LRP6: variants seen among roughly 807,000 people sequenced by gnomAD.
The protein encoded by LRP6 is LDL receptor related protein 6.
A neutral mutation model predicts 184.1 loss-of-function variants in LRP6; 43 were observed. The observed-to-expected ratio is 0.23, with a 90% CI of 0.18 to 0.30. The LOEUF (loss-of-function observed/expected upper bound fraction) is 0.30. Ranked by LOEUF, LRP6 falls within the 10% of genes least tolerant of loss-of-function variation. LRP6 has a pLI of 1.00. For missense variants in LRP6, 1,571 were observed against 2,005.3 expected (o/e 0.78, Z 4.14); for synonymous variants, 719 against 684.9 (o/e 1.05, Z -0.78).
intron 7 of LRP6, among the ~76,000 whole-genome samples, chr12:12,176,740 A>G (rs1165620268): frequency 6.6e-5 from 10 of 152,188 alleles, no homozygotes; most frequent in African/African-American, 2.4e-4. Flanking sequence ...CTCAAGACAC[A>G]TAGGTTTACT....
chr12:12,176,843 CTTTT>C (rs71435897), intron 7 of LRP6, among the ~76,000 whole-genome samples: 4 of 103,100 alleles, frequency 3.9e-5, no homozygotes, highest in Non-Finnish European at 5.8e-5. Context: ...TGAGCCCAAA[CTTTT>C]TTTTTTTTTT....
At chr12:12,204,801 CAA>C (rs1302465397) in intron 2 of LRP6, among the ~76,000 whole-genome samples, 6 of 107,872 alleles carry the variant, frequency 5.6e-5, no homozygotes, top group African/African-American at 6.9e-5. Flanking sequence ...ACTAAAAATA[CAA>C]AAAAAAAAAA....
intron 4 of LRP6, among the ~76,000 whole-genome samples, chr12:12,184,817 C>G (rs1185111904): frequency 6.6e-6 from 1 of 151,964 alleles, no homozygotes; most frequent in Admixed American, 6.6e-5. Flanking sequence ...AAATGAAAAT[C>G]AGAGAAAACT....
chr12:12,187,933 C>T (rs1206122412), intron 3 of LRP6, among the ~76,000 whole-genome samples: 4 of 151,974 alleles, frequency 2.6e-5, no homozygotes, highest in Non-Finnish European at 5.9e-5. Flanking sequence ...TGCTGAGGGC[C>T]GGGCGCAGTG....
At position 12,131,711 on chromosome 12, in the gene LRP6, C is replaced by T. The variant is rs529596669; in HGVS notation, c.3970+110G>A. On this transcript the variant is annotated intron_variant, in intron 18 of 22. Coordinates refer to ENST00000261349, the MANE Select transcript of LRP6 (RefSeq NM_002336.3). ...GCACTATGATCAGAAGTGATACAGT[C>T]ATATGTACTTGAAAAACCCCAACTG... 6.0e-6 allele frequency: 5 copies of T among 836,580 alleles called. No homozygotes were observed. In the East Asian group the frequency reaches 1.2e-4, roughly 20 times the overall value. 51.8% of individuals were successfully genotyped at this position (836,580 alleles called of 1,614,324 possible). A position where few individuals can be genotyped will look rare whatever the true frequency, so the allele number is the denominator to read the frequency against.
rs1949563122 is a variant in LRP6, at chr12:12,119,406, ACATTAGTTTAAAAC to A, written c.*1706_*1719del. 1 of 152,250 alleles carries A rather than the reference ACATTAGTTTAAAAC, an allele frequency of 6.6e-6. No homozygotes were observed. Among genetic ancestry groups the A allele is most frequent in the Admixed American group, 6.5e-5 (1 of 15,282 alleles). 9.4% of individuals were successfully genotyped at this position (152,250 alleles called of 1,614,324 possible). ...GACCAACACCTCTTAAGCTAAAAAT[ACATTAGTTTAAAAC>A]CATTCAATTTTAGCAGAGAAGTGCT... is the stretch of plus-strand genomic sequence containing the variant. On this transcript the variant is annotated 3_prime_UTR_variant, in exon 23 of 23. Transcript: ENST00000261349.
chr12:12,132,144 T>G (rs1949769556), intron 17 of LRP6, 87 bp from the exon 18 acceptor site: 2 of 827,020 alleles, frequency 2.4e-6, no homozygotes, highest in East Asian at 4.9e-5. Flanking sequence ...GAAGCTCATT[T>G]AATAATTAAC....
intron 4 of LRP6, among the ~76,000 whole-genome samples, chr12:12,185,784 T>A (rs1033267653): frequency 6.6e-6 from 1 of 152,036 alleles, no homozygotes; most frequent in African/African-American, 2.4e-5. Context: ...TTCAAATATA[T>A]TCTAGATTAA....
At chr12:12,188,139 A>C (rs1412616725) in intron 3 of LRP6, among the ~76,000 whole-genome samples, 2 of 149,184 alleles carry the variant, frequency 1.3e-5, no homozygotes, top group African/African-American at 5.0e-5. Context: ...TGAATCCAGG[A>C]GGCGGAGGTT....
At chr12:12,188,337 A>G (rs539563520) in intron 3 of LRP6, among the ~76,000 whole-genome samples, 3 of 152,306 alleles carry the variant, frequency 2.0e-5, no homozygotes, top group Admixed American at 6.5e-5. Context: ...AAGTTTCCCA[A>G]TAGCCCACCC....
intron 2 of LRP6, among the ~76,000 whole-genome samples, chr12:12,224,016 G>A (rs1864552712): frequency 6.6e-6 from 1 of 152,120 alleles, no homozygotes; most frequent in Non-Finnish European, 1.5e-5. Context: ...TATGTGCAGT[G>A]CCTTTTGCCT....
chr12:12,153,768 T>G (rs1950112896), intron 12 of LRP6, among the ~76,000 whole-genome samples: 1 of 152,188 alleles, frequency 6.6e-6, no homozygotes, highest in African/African-American at 2.4e-5. Context: ...CTGGTTGTCT[T>G]GAGTCTCGCA....
chr12:12,142,150 CA>C (rs1373838828), intron 15 of LRP6, among the ~76,000 whole-genome samples: 2 of 152,118 alleles, frequency 1.3e-5, no homozygotes, highest in African/African-American at 4.8e-5. Flanking sequence ...CAGAGTAGAG[CA>C]GTAGGCTTGT....
chr12:12,165,236 T>C lies in LRP6; in HGVS notation c.1605A>G (p.Ile535Met). The change falls in exon 8 of 23, where the codon ATA becomes ATG. Residue 535 changes from isoleucine to methionine, a missense_variant. Ile to Met is a conservative substitution (Grantham distance 10, BLOSUM62 1). Around this residue, in one of 4 missense-constraint regions of LRP6, gnomAD observed 640 missense variants for 851.9 expected, o/e 0.75. Coordinates refer to ENST00000261349, the MANE Select transcript of LRP6 (RefSeq NM_002336.3). ...RVLVEDKIPH[I>M]FGFTLLGDYV... ...AGTCACCCAACAAAGTAAATCCAAA[T>C]ATGTGAGGAATTTTGTCTTCCACTA... The C allele has an allele frequency of 1.2e-6, 2 of 1,614,104 alleles. No homozygotes were observed. Among genetic ancestry groups the C allele is most frequent in the Non-Finnish European group, 1.7e-6 (2 of 1,179,990 alleles).
intron 1 of LRP6, 139 bp downstream of exon 1, chr12:12,266,542 T>C (rs1592001408): frequency 3.9e-6 from 3 of 760,602 alleles, no homozygotes; most frequent in Admixed American, 2.6e-5. Flanking sequence ...CCCCTTTCTC[T>C]CCCCCTCCCC....
chr12:12,134,176 T>C (rs1054737953), intron 17 of LRP6, among the ~76,000 whole-genome samples: 3 of 152,236 alleles, frequency 2.0e-5, no homozygotes, highest in Non-Finnish European at 2.9e-5. Flanking sequence ...TTTTTATATG[T>C]TGAATACATA....
chr12:12,206,928 TAAA>T (rs60858132), intron 2 of LRP6, among the ~76,000 whole-genome samples: 1 of 143,062 alleles, frequency 7.0e-6, no homozygotes, highest in Non-Finnish European at 1.5e-5. Flanking sequence ...CTTAAGCAAT[TAAA>T]AAAAAAAACA....
chr12:12,126,773 A>G lies in LRP6; in HGVS notation c.4230T>C (p.Thr1410=), dbSNP rs752128602. The G allele has an allele frequency of 1.1e-5, 18 of 1,614,010 alleles. No homozygotes were observed. The highest frequency in any genetic ancestry group is 1.4e-5 in the Non-Finnish European group (16 of 1,179,990). Residue 1410 remains threonine, a synonymous_variant, in exon 20 of 23, where the codon ACT becomes ACC. Transcript: ENST00000261349. ...CTGGTCCATGAACTACATAGTCATT[A>G]GTCATAGTTTCCCCATCTCCCTTCA... is the stretch of plus-strand genomic sequence containing the variant. The part of the protein sequence containing the change: ...PRMKGDGETM[T]NDYVVHGPAS...
intron 15 of LRP6, chr12:12,138,876 C>A: frequency 7.3e-7 from 1 of 1,374,824 alleles, no homozygotes; most frequent in Non-Finnish European, 9.7e-7. Flanking sequence ...GGTGGTGGAC[C>A]CAGAGTTCTG....
Sources: allele counts gnomAD v4.1 joint callset (sites outside exome capture counted in the v4.1 genomes callset), GRCh38; gene constraint gnomAD v4.1.1; regional missense constraint gnomAD v4.1.1; transcripts MANE v1.5; gene names NCBI Gene and HGNC (gene_info 2026-07-23, HGNC 2026-07-21).